Variants in LRFN5 observed in about 807,000 individuals in gnomAD.
The protein encoded by LRFN5 is leucine rich repeat and fibronectin type III domain containing 5.
LRFN5 carries 24 observed loss-of-function variants against 45.6 expected under a neutral mutation model. That is an observed-to-expected ratio of 0.53 (90% confidence interval 0.38 to 0.74). The LOEUF (loss-of-function observed/expected upper bound fraction) is 0.74. Among genes scored for constraint, LRFN5 ranks in the 30% least tolerant of loss-of-function variants. The pLI is 0.00. For missense variants in LRFN5, 776 were observed against 861.5 expected, an observed-to-expected ratio of 0.90 and a Z score of 1.24; for synonymous variants, 340 against 313.8, an observed-to-expected ratio of 1.08 and a Z score of -0.88.
Position 41,829,301 on chromosome 14 carries a change from T to C in LRFN5, c.-20-57305T>C, listed in dbSNP as rs375784789. ...CAACCCATGAATGAATTTTTGAAGA[T>C]AATTACATTAAATGTCAATATTAAC... On this transcript the variant is annotated intron_variant, in intron 2 of 5. Coordinates refer to ENST00000298119, the MANE Select transcript of LRFN5 (RefSeq NM_152447.5). 1.1e-4 allele frequency among the ~76,000 whole-genome samples: 17 copies of C among 152,126 alleles called. No homozygotes were observed. In the East Asian group the frequency reaches 1.5e-3, roughly 14 times the overall value.
chr14:41,697,436 T>G (rs184561219), intron 1 of LRFN5, among the ~76,000 whole-genome samples: 7 of 152,028 alleles, frequency 4.6e-5, no homozygotes, highest in Middle Eastern at 3.8e-3. Flanking sequence ...TAATTACTGT[T>G]AGACATGTGT....
chr14:41,880,117 T>C (rs145705707), intron 2 of LRFN5, among the ~76,000 whole-genome samples: 5,051 of 151,428 alleles, frequency 0.033, 123 homozygotes, highest in South Asian at 0.061. Flanking sequence ...TTAGTAGAGA[T>C]GGGGTTTCAC....
chr14:41,841,197 T>G (rs1300924067), intron 2 of LRFN5, among the ~76,000 whole-genome samples: 1 of 151,980 alleles, frequency 6.6e-6, no homozygotes, highest in Non-Finnish European at 1.5e-5. Context: ...TATCACATTT[T>G]AATAATTTTT....
intron 1 of LRFN5, among the ~76,000 whole-genome samples, chr14:41,682,545 GACAA>G (rs372357308): frequency 5.9e-5 from 9 of 151,874 alleles, no homozygotes; most frequent in South Asian, 2.1e-4. Flanking sequence ...TTTTTGAAAA[GACAA>G]ACAATTGACA....
intron 2 of LRFN5, among the ~76,000 whole-genome samples, chr14:41,783,879 A>G (rs1886624978): frequency 6.6e-6 from 1 of 152,130 alleles, no homozygotes; most frequent in East Asian, 1.9e-4. Flanking sequence ...TTAATGTAGT[A>G]CAATTTATTA....
At chr14:41,777,838 TG>T (rs1342393408) in intron 2 of LRFN5, among the ~76,000 whole-genome samples, 1 of 151,788 alleles carries the variant, frequency 6.6e-6, no homozygotes, top group Non-Finnish European at 1.5e-5. Flanking sequence ...ATGAACATTA[TG>T]GAGATGCTAT....
chr14:41,885,591 C>T (rs1322876621), intron 2 of LRFN5, among the ~76,000 whole-genome samples: 1 of 151,970 alleles, frequency 6.6e-6, no homozygotes, highest in Admixed American at 6.6e-5. Flanking sequence ...ACGGCTGCTT[C>T]CCAGAAATTA....
At chr14:41,703,063 A>G (rs146739994) in intron 1 of LRFN5, among the ~76,000 whole-genome samples, 1 of 152,300 alleles carries the variant, frequency 6.6e-6, no homozygotes, top group Non-Finnish European at 1.5e-5. Flanking sequence ...GAAAATTCAG[A>G]TTTTATAAAC....
chr14:41,764,340 CATTTGATTCTTAAGAG>C (rs1885790209), intron 1 of LRFN5, among the ~76,000 whole-genome samples: 1 of 152,060 alleles, frequency 6.6e-6, no homozygotes, highest in Admixed American at 6.6e-5. Flanking sequence ...GTATTTACCT[CATTTGATTCTTAAGAG>C]AATTTTTTTA....
intron 1 of LRFN5, among the ~76,000 whole-genome samples, chr14:41,674,981 T>G (rs1339081973): frequency 7.3e-6 from 1 of 137,032 alleles, no homozygotes; most frequent in Admixed American, 7.4e-5. Flanking sequence ...CAGGGCAAAG[T>G]CGCTCCCCAC....
intron 1 of LRFN5, among the ~76,000 whole-genome samples, chr14:41,726,764 AT>A (rs1342904733): frequency 4.6e-5 from 7 of 152,190 alleles, no homozygotes; most frequent in African/African-American, 1.7e-4. Context: ...GTAAACATAC[AT>A]ATTTACTAAA....
intron 1 of LRFN5, among the ~76,000 whole-genome samples, chr14:41,667,977 T>C (rs1880985502): frequency 6.6e-6 from 1 of 152,208 alleles, no homozygotes; most frequent in Non-Finnish European, 1.5e-5. Flanking sequence ...TTCTTCATTT[T>C]GTTATTGCAC....
intron 4 of LRFN5, chr14:41,893,232 A>C: frequency 1.0e-6 from 1 of 963,652 alleles, no homozygotes; most frequent in Non-Finnish European, 1.2e-6. Flanking sequence ...TTTAGTAGAA[A>C]CTAATGTTGC....
chr14:41,682,365 A>G lies in LRFN5; in HGVS notation c.-197+73803A>G, dbSNP rs532469659. Among the ~76,000 whole-genome samples, 303 of 152,160 alleles carry G rather than the reference A, an allele frequency of 2.0e-3. 1 individual carries two copies. Among genetic ancestry groups the G allele is most frequent in the African/African-American group, 7.2e-3 (299 of 41,540 alleles). On this transcript the variant is annotated intron_variant, in intron 1 of 5. Transcript: ENST00000298119. ...AAGTGGGAGGACAAAGTTAAAGTTT[A>G]GAGTTTTTATTAGTTATCTGTTTAC...
At chr14:41,800,187 G>C (rs892400562) in intron 2 of LRFN5, among the ~76,000 whole-genome samples, 1 of 152,006 alleles carries the variant, frequency 6.6e-6, no homozygotes, top group African/African-American at 2.4e-5. Context: ...ATAATTATTT[G>C]TGTATTTGCC....
In LRFN5 at chr14:41,852,234, C is replaced by G. The variant is rs955876315; in HGVS notation, c.-20-34372C>G. On this transcript the variant is annotated intron_variant, in intron 2 of 5. Coordinates refer to ENST00000298119, the MANE Select transcript of LRFN5 (RefSeq NM_152447.5). ...AGATCAAATTATGTTAATTCACTCT[C>G]AGAAGTTGGCAAATAACATAATTAA... is the stretch of plus-strand genomic sequence containing the variant. 3.3e-5 allele frequency among the ~76,000 whole-genome samples: 5 copies of G among 151,854 alleles called. No individual in the cohort carries two copies. The East Asian group carries it at 9.6e-4, about 29-fold the overall frequency.
chr14:41,887,331 A>G lies in LRFN5; in HGVS notation c.706A>G (p.Ser236Gly). ...GIISPSTFAL[S>G]FGGNPLHCNC... Reference sequence around the variant, plus strand: ...CATAAGCCCATCTACTTTTGCATTAAGTTTTGGTGGAAACCCCTTGCATTG... The same window carrying G: ...CATAAGCCCATCTACTTTTGCATTAGGTTTTGGTGGAAACCCCTTGCATTG... Residue 236 changes from serine to glycine, a missense_variant, in exon 3 of 6, where the codon AGT becomes GGT. By Grantham distance (56) the Ser-to-Gly change is moderately conservative. Coordinates refer to ENST00000298119, the MANE Select transcript of LRFN5 (RefSeq NM_152447.5). The surrounding 1 kb of genome is among the most constrained non-coding windows in gnomAD (Gnocchi z 4.8). 1 of 1,614,194 alleles carries G rather than the reference A, an allele frequency of 6.2e-7. No individual in the cohort carries two copies. Among genetic ancestry groups the G allele is most frequent in the Non-Finnish European group, 8.5e-7 (1 of 1,180,036 alleles).
At chr14:41,874,431 G>A (rs980070098) in intron 2 of LRFN5, among the ~76,000 whole-genome samples, 5 of 152,178 alleles carry the variant, frequency 3.3e-5, no homozygotes, top group Admixed American at 3.3e-4. Flanking sequence ...GACATTGATA[G>A]GGAGCAACAG....
chr14:41,771,846 G>T (rs1305453191), intron 2 of LRFN5, among the ~76,000 whole-genome samples: 1 of 152,130 alleles, frequency 6.6e-6, no homozygotes, highest in Non-Finnish European at 1.5e-5. Flanking sequence ...CAGTTCCAAA[G>T]CCACTTTCAC....
Sources: gnomAD v4.1 joint callset for allele counts (sites outside exome capture counted in the v4.1 genomes callset) on GRCh38, gnomAD v4.1.1 for gene constraint, Gnocchi (gnomAD v3.1) non-coding constraint, MANE v1.5 for transcripts, NCBI Gene and HGNC (gene_info 2026-07-23, HGNC 2026-07-21) for gene names.